The following PCDHGA3 variants were observed in gnomAD, a reference collection of about 807,000 sequenced individuals.
The protein encoded by PCDHGA3 is protocadherin gamma-A3.
In PCDHGA3, 40 loss-of-function variants were observed where a neutral mutation model predicts 58.5. The ratio of observed to expected loss-of-function variants is 0.68; its 90% confidence interval spans 0.53 to 0.89. The LOEUF (loss-of-function observed/expected upper bound fraction) is 0.89, where lower values mean the gene tolerates loss of function less well. Ranked by LOEUF, PCDHGA3 falls within the 40% of genes least tolerant of loss-of-function variation. PCDHGA3 has a pLI of 0.00. For synonymous variants in PCDHGA3, 530 were observed against 525.7 expected (o/e 1.01, Z -0.11); for missense variants, 1,223 against 1,195.9 (o/e 1.02, Z -0.33).
At chr5:141,385,492 A>T in intron 1 of PCDHGA3, 15 of 1,394,884 alleles carry the variant, frequency 1.1e-5, no homozygotes, top group Non-Finnish European at 1.4e-5. Flanking sequence ...AACACATAGG[A>T]TATAGTATTT....
chr5:141,355,932 G>T lies in PCDHGA3; in HGVS notation c.2424+9475G>T, dbSNP rs139771811. The T allele has an allele frequency of 2.6e-4, 413 of 1,613,772 alleles. 2 individuals are homozygous for T. The African/African-American group carries it at 4.6e-3, about 18-fold the overall frequency. Reference sequence around the variant, plus strand: ...ACGATAATGCTCCCGTGTTCACTCAGCCCGAGTACCACGTAAGTGTTCGTG... The same window carrying T: ...ACGATAATGCTCCCGTGTTCACTCATCCCGAGTACCACGTAAGTGTTCGTG... On this transcript the variant is annotated intron_variant, in intron 1 of 3. Transcript: ENST00000253812.
At chr5:141,434,119 C>T (rs2097673106) in intron 1 of PCDHGA3, among the ~76,000 whole-genome samples, 1 of 152,180 alleles carries the variant, frequency 6.6e-6, no homozygotes, top group Non-Finnish European at 1.5e-5. Flanking sequence ...GCCTTTGGGA[C>T]TCCCTTTAGG....
intron 1 of PCDHGA3, among the ~76,000 whole-genome samples, chr5:141,435,357 T>C (rs749223776): frequency 6.6e-6 from 1 of 152,208 alleles, no homozygotes; most frequent in Non-Finnish European, 1.5e-5. Flanking sequence ...CATTTAAAAT[T>C]TTATCACTTA....
intron 1 of PCDHGA3, among the ~76,000 whole-genome samples, chr5:141,465,879 T>C (rs979784878): frequency 6.6e-6 from 1 of 152,062 alleles, no homozygotes; most frequent in African/African-American, 2.4e-5. Context: ...TCCCAGCACT[T>C]TGGGAGGCCG....
Position 141,394,523 on chromosome 5 carries a change from C to A in PCDHGA3, c.2424+48066C>A, listed in dbSNP as rs373702756. ...TCCTGTACCCCGCCCTCCCCACAGACGGTTCCACTGGCGTGGAGCTGGCGC... is the reference window on the plus strand; with the variant it reads ...TCCTGTACCCCGCCCTCCCCACAGAAGGTTCCACTGGCGTGGAGCTGGCGC... On this transcript the variant is annotated intron_variant, in intron 1 of 3. Transcript: ENST00000253812. The A allele has an allele frequency of 1.1e-5, 17 of 1,614,116 alleles. No homozygotes were observed. The highest frequency in any genetic ancestry group is 5.3e-5 in the African/African-American group (4 of 74,950).
chr5:141,366,185 GT>G (rs1375353655), intron 1 of PCDHGA3: 1 of 1,613,892 alleles, frequency 6.2e-7, no homozygotes, highest in East Asian at 2.2e-5. Context: ...ACTCTTTGCG[GT>G]TGGGCTGCAC....
At chr5:141,374,153 TG>T in intron 1 of PCDHGA3, 1 of 1,612,060 alleles carries the variant, frequency 6.2e-7, no homozygotes, top group African/African-American at 1.3e-5. Context: ...GGGGACGCTG[TG>T]GGGGGCCGCG....
chr5:141,417,861 T>A, intron 1 of PCDHGA3: 3 of 1,549,554 alleles, frequency 1.9e-6, no homozygotes, highest in Non-Finnish European at 2.6e-6. Context: ...GAGCGAACGA[T>A]GGGAGGGAGC....
chr5:141,495,470 C>A (rs2099761615), intron 2 of PCDHGA3, among the ~76,000 whole-genome samples: 1 of 152,196 alleles, frequency 6.6e-6, no homozygotes, highest in African/African-American at 2.4e-5. Flanking sequence ...GTGGGGTCTC[C>A]GTGTCTCTGC....
At chr5:141,371,896 T>G (rs760450150) in intron 1 of PCDHGA3, 14 of 1,613,426 alleles carry the variant, frequency 8.7e-6, no homozygotes, top group Non-Finnish European at 1.1e-5. Flanking sequence ...CCGCGGGAGC[T>G]GTCGTCCTAC....
chr5:141,383,807 C>T, intron 1 of PCDHGA3: 7 of 1,613,926 alleles, frequency 4.3e-6, no homozygotes, highest in Non-Finnish European at 5.9e-6. Flanking sequence ...GAAATATCAA[C>T]TTTAGAAGGA....
At chr5:141,398,414 G>C (rs373274513) in intron 1 of PCDHGA3, 1 of 1,487,954 alleles carries the variant, frequency 6.7e-7, no homozygotes, top group Non-Finnish European at 9.3e-7. Flanking sequence ...GAGGAGATAT[G>C]CGGGAAGAAG....
At chr5:141,438,063 A>G (rs540817874) in intron 1 of PCDHGA3, among the ~76,000 whole-genome samples, 11 of 152,224 alleles carry the variant, frequency 7.2e-5, no homozygotes, top group Non-Finnish European at 1.5e-4. Context: ...CTTTTAAGAA[A>G]CCATACTTAA....
chr5:141,397,909 T>G lies in PCDHGA3; in HGVS notation c.2424+51452T>G, dbSNP rs1004406261. On this transcript the variant is annotated intron_variant, in intron 1 of 3. Coordinates refer to ENST00000253812, the MANE Select transcript of PCDHGA3 (RefSeq NM_018916.4). Reference sequence around the variant, plus strand: ...TTGGCCAAAGTGCAGAGCTTGGCGCTCCAGATCTCCTCGCGCAGCCGCAGC... The same window carrying G: ...TTGGCCAAAGTGCAGAGCTTGGCGCGCCAGATCTCCTCGCGCAGCCGCAGC... 114 of 677,396 alleles carry G rather than the reference T, an allele frequency of 1.7e-4. No individual in the cohort carries two copies. In the East Asian group the frequency reaches 2.8e-3, roughly 17 times the overall value. The allele number at this position is 677,396 out of a possible 1,614,324, so 42.0% of individuals were successfully genotyped here. A position where few individuals can be genotyped will look rare whatever the true frequency, so the allele number is the denominator to read the frequency against.
At position 141,344,315 on chromosome 5, in the gene PCDHGA3, G is replaced by A. The variant is rs1450109824; in HGVS notation, c.282G>A (p.Glu94=). 2.5e-6 allele frequency: 4 copies of A among 1,614,040 alleles called. No homozygotes were observed. The highest frequency in any genetic ancestry group is 2.5e-6 in the Non-Finnish European group (3 of 1,179,902). ...CCGCGGAGAGGATAGACCGGGAGGA[G>A]CTCTGCGCTCAGATCCCGCTGTGTC... ...LVTAERIDRE[E]LCAQIPLCLV... Residue 94 remains glutamate, a synonymous_variant, in exon 1 of 4, where the codon GAG becomes GAA. Transcript: ENST00000253812.
intron 1 of PCDHGA3, chr5:141,475,820 C>G (rs890721743): frequency 1.1e-5 from 4 of 351,810 alleles, no homozygotes; most frequent in Non-Finnish European, 1.5e-5. Context: ...AAGTTCCTGG[C>G]GCTAGCGCGT....
At chr5:141,441,638 G>A (rs1456506194) in intron 1 of PCDHGA3, 2 of 226,008 alleles carry the variant, frequency 8.8e-6, no homozygotes, top group Non-Finnish European at 1.8e-5. Flanking sequence ...AGCCACAGGC[G>A]CTGTGATTCT....
intron 1 of PCDHGA3, chr5:141,357,533 C>A: frequency 6.2e-7 from 1 of 1,614,194 alleles, no homozygotes; most frequent in Non-Finnish European, 8.5e-7. Flanking sequence ...TATGCAGACA[C>A]GCTCATCAGC....
intron 1 of PCDHGA3, among the ~76,000 whole-genome samples, chr5:141,434,860 A>G (rs2097723622): frequency 6.6e-6 from 1 of 151,982 alleles, no homozygotes; most frequent in African/African-American, 2.4e-5. Flanking sequence ...ATAAATTTAT[A>G]TATATGTGAC....
Sources: gnomAD v4.1 joint callset for allele counts (sites outside exome capture counted in the v4.1 genomes callset) on GRCh38, gnomAD v4.1.1 for gene constraint, MANE v1.5 for transcripts, NCBI Gene and HGNC (gene_info 2026-07-23, HGNC 2026-07-21) for gene names.